The following CHAF1B variants were observed in gnomAD, a reference collection of about 807,000 sequenced individuals.
CHAF1B encodes chromatin assembly factor 1 subunit B, also known as CAF-1 subunit B.
In CHAF1B, 10 loss-of-function variants were observed where a neutral mutation model predicts 60.7. The observed-to-expected ratio is 0.16, with a 90% CI of 0.10 to 0.28. The LOEUF (loss-of-function observed/expected upper bound fraction) is 0.28. CHAF1B is among the 10% of genes least tolerant of loss of function. The pLI, the probability that CHAF1B is intolerant of heterozygous loss-of-function variation, is 1.00. For missense variants in CHAF1B, 558 were observed against 708.4 expected (o/e 0.79, Z 2.41); for synonymous variants, 261 against 266.1 (o/e 0.98, Z 0.19).
chr21:36,391,242 A>G (rs930148761), intron 3 of CHAF1B, among the ~76,000 whole-genome samples: 1 of 152,144 alleles, frequency 6.6e-6, no homozygotes, highest in Non-Finnish European at 1.5e-5. Flanking sequence ...CAATTTGCCT[A>G]CTTTCCCTGT....
At chr21:36,401,804 G>A (rs968219268) in intron 7 of CHAF1B, among the ~76,000 whole-genome samples, 2 of 151,448 alleles carry the variant, frequency 1.3e-5, no homozygotes, top group South Asian at 2.1e-4. Context: ...GCAGTGGCAC[G>A]ATCTTGGCTC....
At chr21:36,412,764 G>T (rs939807441) in intron 11 of CHAF1B, 120 bp from the exon 12 acceptor site, 11 of 887,036 alleles carry the variant, frequency 1.2e-5, no homozygotes, top group African/African-American at 6.7e-5. Context: ...TTTTCCAGTT[G>T]TATCTTTTCC....
intron 5 of CHAF1B, among the ~76,000 whole-genome samples, chr21:36,395,168 A>G (rs1337513906): frequency 2.0e-5 from 3 of 152,142 alleles, no homozygotes; most frequent in African/African-American, 7.2e-5. Flanking sequence ...CTCCTGCCTC[A>G]GCATCCTGAG....
chr21:36,411,399 C>A (rs900460943), intron 10 of CHAF1B, 64 bp from the exon 11 acceptor site: 2 of 1,594,806 alleles, frequency 1.3e-6, no homozygotes, highest in African/African-American at 2.7e-5. Flanking sequence ...TAGGCGTGAG[C>A]CATTGCACCT....
intron 7 of CHAF1B, among the ~76,000 whole-genome samples, chr21:36,400,172 T>A (rs948280499): frequency 4.6e-5 from 7 of 150,886 alleles, no homozygotes; most frequent in Non-Finnish European, 4.4e-5. Flanking sequence ...AGAGCGAGAC[T>A]CGATTTCAAA....
chr21:36,410,400 C>T (rs1476121034), intron 10 of CHAF1B, among the ~76,000 whole-genome samples: 4 of 152,220 alleles, frequency 2.6e-5, no homozygotes, highest in Admixed American at 2.6e-4. Flanking sequence ...TATTCAAATA[C>T]TCCCATTACA....
chr21:36,390,844 C>G (rs1031212712), intron 3 of CHAF1B, among the ~76,000 whole-genome samples: 1 of 152,114 alleles, frequency 6.6e-6, no homozygotes, highest in African/African-American at 2.4e-5. Context: ...TTAGTAGAGA[C>G]AAGGTCTTGC....
intron 6 of CHAF1B, 57 bp downstream of exon 6, chr21:36,397,568 G>T: frequency 1.1e-6 from 1 of 945,164 alleles, no homozygotes. Context: ...GGAATTTTCT[G>T]AAGAGAGGTA....
intron 5 of CHAF1B, among the ~76,000 whole-genome samples, chr21:36,397,141 G>A (rs1452280071): frequency 1.3e-5 from 2 of 152,112 alleles, no homozygotes; most frequent in Non-Finnish European, 2.9e-5. Context: ...CCTCCGCCCT[G>A]TGCTGTCAGC....
intron 4 of CHAF1B, among the ~76,000 whole-genome samples, chr21:36,391,907 A>ATTTTTTTTTT (rs55920360): frequency 7.5e-5 from 5 of 67,042 alleles, no homozygotes; most frequent in Non-Finnish European, 9.9e-5. Context: ...TGATTTTTAA[A>ATTTTTTTTTT]TTTTTTTTTT....
chr21:36,387,781 T>C (rs760574559), intron 3 of CHAF1B, 51 bp downstream of exon 3: 2 of 1,595,746 alleles, frequency 1.3e-6, no homozygotes, highest in South Asian at 1.1e-5. Context: ...TAGATACCTG[T>C]GTGTCTTGTG....
rs1003693562 is a variant in CHAF1B at position 36,418,648 on chromosome 21, A to C, written c.*2282A>C. The C allele has an allele frequency of 6.6e-6, 1 of 152,072 alleles. No individual in the cohort carries two copies. Among genetic ancestry groups the C allele is most frequent in the African/African-American group, 2.4e-5 (1 of 41,406 alleles). The allele number at this position is 152,072 out of a possible 1,614,324, so 9.4% of individuals were successfully genotyped here. ...TGGATCACTTGAGGTTGGGAGTTTG[A>C]GACCAGCCTGGCCAACATGGTGGAA... On this transcript the variant is annotated 3_prime_UTR_variant, in exon 14 of 14. Coordinates refer to ENST00000314103, the MANE Select transcript of CHAF1B (RefSeq NM_005441.3).
At position 36,416,305 on chromosome 21, in the gene CHAF1B, C is replaced by G. The variant is rs1257263998; in HGVS notation, c.1619C>G (p.Pro540Arg). 3.1e-6 allele frequency: 5 copies of G among 1,613,928 alleles called. No homozygotes were observed. Among genetic ancestry groups the G allele is most frequent in the African/African-American group, 1.3e-5 (1 of 74,910 alleles). The change falls in exon 14 of 14, where the codon CCA becomes CGA. Residue 540 changes from proline (P) to arginine (R), a missense_variant. Pro to Arg is a moderately radical substitution (Grantham distance 103, BLOSUM62 -2). Transcript: ENST00000314103. ...CCTGGAGACGCTCAGGGCAGTCCCC[C>G]AGAGCTAAAGCGGCCCAGACTCGAT... ...ETPGDAQGSPPELKRPRLDEN... is the reference protein window; with the variant it reads ...ETPGDAQGSPRELKRPRLDEN...
intron 6 of CHAF1B, among the ~76,000 whole-genome samples, chr21:36,399,216 G>A (rs139122203): frequency 0.02 from 3,009 of 151,564 alleles, 55 homozygotes; most frequent in Admixed American, 0.044. Context: ...TTGTATTTTT[G>A]GTAGAGATGG....
rs189858867 is a variant in CHAF1B, at chr21:36,396,145, G to A, written c.482-1270G>A. Reference sequence around the variant, plus strand: ...CCTCAAGGTAGCTGGGATTACAGGCGCCCGCCACCACTCCCAGCTAATTTT... The same window carrying A: ...CCTCAAGGTAGCTGGGATTACAGGCACCCGCCACCACTCCCAGCTAATTTT... On this transcript the variant is annotated intron_variant, in intron 5 of 13. Transcript: ENST00000314103. Among the ~76,000 whole-genome samples the A allele has an allele frequency of 1.9e-3, 280 of 151,272 alleles. 2 individuals are homozygous for A. The highest frequency in any genetic ancestry group is 0.014 in the Admixed American group (219 of 15,200).
At position 36,391,553 on chromosome 21, in the gene CHAF1B, G is replaced by A. The variant is rs770075369; in HGVS notation, c.262G>A (p.Ala88Thr). The A allele has an allele frequency of 6.3e-7, 1 of 1,597,438 alleles. No individual in the cohort carries two copies. Among genetic ancestry groups the A allele is most frequent in the South Asian group, 1.1e-5 (1 of 90,744 alleles). ...GEILASGGDD[A>T]VILLWKVNDN... Reference sequence around the variant, plus strand: ...ACTGTTACTGAATCACCCTGCAGATGCTGTCATCCTATTGTGGAAGGTGAA... The same window carrying A: ...ACTGTTACTGAATCACCCTGCAGATACTGTCATCCTATTGTGGAAGGTGAA... The change falls in exon 4 of 14, where the codon GCT becomes ACT. Residue 88 changes from alanine to threonine, a missense_variant and splice_region_variant. By Grantham distance (58) the Ala-to-Thr change is moderately conservative. Around this residue, in one of 2 missense-constraint regions of CHAF1B, gnomAD observed 325 missense variants for 493.5 expected, o/e 0.66. Coordinates refer to ENST00000314103, the MANE Select transcript of CHAF1B (RefSeq NM_005441.3).
At chr21:36,411,967 A>G (rs1478155052) in intron 11 of CHAF1B, among the ~76,000 whole-genome samples, 1 of 152,088 alleles carries the variant, frequency 6.6e-6, no homozygotes, top group Non-Finnish European at 1.5e-5. Flanking sequence ...GGGCTCAACG[A>G]TCCTCCTGCC....
In CHAF1B at chr21:36,415,321, C is replaced by A. The variant is rs115392153; in HGVS notation, c.1520C>A (p.Thr507Lys). Residue 507 changes from threonine (T) to lysine (K), a missense_variant, in exon 13 of 14, where the codon ACG (threonine) becomes AAG (lysine). Around this residue, in one of 2 missense-constraint regions of CHAF1B, gnomAD observed 233 missense variants for 214.9 expected, o/e 1.08. Coordinates refer to ENST00000314103, the MANE Select transcript of CHAF1B (RefSeq NM_005441.3). ...AGAATAAACTTAACACCCTTAAAGA[C>A]GGACACTCCACCAAGTTCTGTACCA... is the stretch of plus-strand genomic sequence containing the variant. Reference protein sequence around the residue: ...PRRINLTPLKTDTPPSSVPTS... With the variant: ...PRRINLTPLKKDTPPSSVPTS... 4 of 1,611,134 alleles carry A rather than the reference C, an allele frequency of 2.5e-6. No homozygotes were observed. The highest frequency in any genetic ancestry group is 3.4e-6 in the Non-Finnish European group (4 of 1,177,780).
chr21:36,409,151 G>A (rs541896166), intron 9 of CHAF1B, among the ~76,000 whole-genome samples: 12 of 148,344 alleles, frequency 8.1e-5, no homozygotes, highest in South Asian at 6.3e-4. Context: ...CATTGCACCC[G>A]GCTTGTATTT....
Sources: gnomAD v4.1 joint callset for allele counts (sites outside exome capture counted in the v4.1 genomes callset) on GRCh38, gnomAD v4.1.1 for gene constraint, gnomAD v4.1.1 regional missense constraint, MANE v1.5 for transcripts, NCBI Gene and HGNC (gene_info 2026-07-23, HGNC 2026-07-21) for gene names.